The following HSD17B3 variants were observed in gnomAD, a reference collection of about 807,000 sequenced individuals.
HSD17B3 encodes the protein hydroxysteroid 17-beta dehydrogenase 3.
HSD17B3 carries 29 observed loss-of-function variants against 41.1 expected under a neutral mutation model. The observed-to-expected ratio is 0.71, with a 90% confidence interval of 0.53 to 0.96. The LOEUF is 0.96. HSD17B3 is among the 40% of genes least tolerant of loss of function. HSD17B3 has a pLI of 0.00. For missense variants in HSD17B3, 323 were observed against 374.6 expected, an observed-to-expected ratio of 0.86 and a Z score of 1.14; for synonymous variants, 126 against 145.6, an observed-to-expected ratio of 0.87 and a Z score of 0.97.
intron 2 of HSD17B3, among the ~76,000 whole-genome samples, chr9:96,283,521 C>T (rs1826788317): frequency 6.6e-6 from 1 of 152,146 alleles, no homozygotes; most frequent in Non-Finnish European, 1.5e-5. Context: ...ACAGGGAGCA[C>T]TGTCAAATAT....
At chr9:96,282,728 T>C (rs1826744795) in intron 2 of HSD17B3, among the ~76,000 whole-genome samples, 1 of 152,208 alleles carries the variant, frequency 6.6e-6, no homozygotes, top group South Asian at 2.1e-4. Flanking sequence ...TAATTAAGAC[T>C]ACTGAAGAAA....
chr9:96,260,389 G>T (rs962980789), intron 2 of HSD17B3, among the ~76,000 whole-genome samples: 2 of 152,144 alleles, frequency 1.3e-5, no homozygotes, highest in Non-Finnish European at 2.9e-5. Context: ...GAAAATTATG[G>T]CAGTGAAAGA....
chr9:96,268,091 A>C (rs1826107872), intron 2 of HSD17B3, among the ~76,000 whole-genome samples: 1 of 152,030 alleles, frequency 6.6e-6, no homozygotes, highest in Non-Finnish European at 1.5e-5. Context: ...CGCCCAGCTA[A>C]TTTTTGTATT....
At chr9:96,261,199 G>A (rs1038436685) in intron 2 of HSD17B3, among the ~76,000 whole-genome samples, 9 of 40,000 alleles carry the variant, frequency 2.2e-4, no homozygotes, top group Admixed American at 5.0e-4. Context: ...CTGCTTTGAC[G>A]ATGGAGCCTT....
At chr9:96,288,286 A>G (rs1048268354) in intron 2 of HSD17B3, among the ~76,000 whole-genome samples, 1 of 152,234 alleles carries the variant, frequency 6.6e-6, no homozygotes, top group Non-Finnish European at 1.5e-5. Flanking sequence ...TATATCTCAA[A>G]AAGCTGTTCA....
chr9:96,270,953 C>CG (rs34328277), intron 2 of HSD17B3, among the ~76,000 whole-genome samples: 20,136 of 123,470 alleles, frequency 0.16, 1,614 homozygotes, highest in Middle Eastern at 0.24. Context: ...CAAATCCTCT[C>CG]GGGGGGGGGG....
At chr9:96,251,207 T>C (rs1188924166) in intron 5 of HSD17B3, 1 of 596,048 alleles carries the variant, frequency 1.7e-6, no homozygotes, top group Non-Finnish European at 3.0e-6. Flanking sequence ...AGGAGGAAGA[T>C]GTCCATATCC....
intron 2 of HSD17B3, among the ~76,000 whole-genome samples, chr9:96,287,854 A>G (rs1826984898): frequency 6.8e-6 from 1 of 147,542 alleles, no homozygotes. Flanking sequence ...TCACAGCAGC[A>G]TTATTCATAA....
chr9:96,275,477 G>A (rs927081405), intron 2 of HSD17B3, among the ~76,000 whole-genome samples: 1 of 152,120 alleles, frequency 6.6e-6, no homozygotes, highest in Non-Finnish European at 1.5e-5. Context: ...CTACTTGGGA[G>A]GTTGAGATGG....
At chr9:96,266,096 G>A (rs1211857923) in intron 2 of HSD17B3, among the ~76,000 whole-genome samples, 3 of 152,230 alleles carry the variant, frequency 2.0e-5, no homozygotes, top group Non-Finnish European at 2.9e-5. Flanking sequence ...AGCATAATTA[G>A]AGATACAGGC....
At chr9:96,279,831 G>A (rs1030278757) in intron 2 of HSD17B3, among the ~76,000 whole-genome samples, 11 of 151,570 alleles carry the variant, frequency 7.3e-5, no homozygotes, top group Non-Finnish European at 1.3e-4. Context: ...GTGCAGTGGC[G>A]CGATCTCGGC....
At chr9:96,295,932 C>T (rs766370232) in intron 2 of HSD17B3, among the ~76,000 whole-genome samples, 51 of 152,096 alleles carry the variant, frequency 3.4e-4, no homozygotes, top group African/African-American at 1.0e-3. Context: ...GGGGCCTTCA[C>T]GATGAGATTA....
chr9:96,296,239 C>T (rs1827353799), intron 2 of HSD17B3, among the ~76,000 whole-genome samples: 1 of 145,858 alleles, frequency 6.9e-6, no homozygotes, highest in African/African-American at 2.6e-5. Flanking sequence ...GAGCAAGAAC[C>T]TGTCTCCAAA....
At chr9:96,245,562 T>G in intron 7 of HSD17B3, 136 bp from the exon 8 acceptor site, 2 of 710,046 alleles carry the variant, frequency 2.8e-6, no homozygotes, top group Non-Finnish European at 5.1e-6. Flanking sequence ...GGGGCTCTGC[T>G]TCTAGGAATG....
chr9:96,249,631 C>G, intron 6 of HSD17B3, 120 bp downstream of exon 6: 1 of 886,640 alleles, frequency 1.1e-6, no homozygotes. Context: ...GGCCTCTCAA[C>G]TAAGTGTGGT....
At chr9:96,253,652 C>T (rs935520035) in intron 3 of HSD17B3, among the ~76,000 whole-genome samples, 2 of 152,146 alleles carry the variant, frequency 1.3e-5, no homozygotes, top group East Asian at 1.9e-4. Flanking sequence ...GGGAGTTTTC[C>T]GTCAGATGTG....
In HSD17B3 at chr9:96,264,271, CA is replaced by C. The variant is rs1210868442; in HGVS notation, c.202-9329del. On this transcript the variant is annotated intron_variant, in intron 2 of 10. Transcript: ENST00000375263. ...AACATTTTCTAAAAATACCTACAAACAAAAAGATGCATATCAAACATATTAG... is the reference window on the plus strand; with the variant it reads ...AACATTTTCTAAAAATACCTACAAACAAAAGATGCATATCAAACATATTAG... 2.0e-5 allele frequency among the ~76,000 whole-genome samples: 3 copies of C among 147,646 alleles called. No individual in the cohort carries two copies. The East Asian group carries it at 6.0e-4, about 30-fold the overall frequency.
chr9:96,302,146 CTG>C lies in HSD17B3; in HGVS notation c.-44_-43del, dbSNP rs1227560301. 1.2e-6 allele frequency: 2 copies of C among 1,604,208 alleles called. No homozygotes were observed. The highest frequency in any genetic ancestry group is 2.7e-5 in the African/African-American group (2 of 74,522). The stretch of plus-strand genomic sequence containing the variant: ...CTGTTTCAGCCCTGGCCGTGGCTCT[CTG>C]TGTATGCCTCCTGGGACCACGCTGC... On this transcript the variant is annotated 5_prime_UTR_variant, in exon 1 of 11. Coordinates refer to ENST00000375263, the MANE Select transcript of HSD17B3 (RefSeq NM_000197.2).
At chr9:96,281,822 T>C (rs1826703164) in intron 2 of HSD17B3, among the ~76,000 whole-genome samples, 1 of 152,208 alleles carries the variant, frequency 6.6e-6, no homozygotes, top group Non-Finnish European at 1.5e-5. Flanking sequence ...GGTGGTTTTT[T>C]CTCTGGGCTC....
Sources: gnomAD v4.1 joint callset for allele counts (sites outside exome capture counted in the v4.1 genomes callset) on GRCh38, gnomAD v4.1.1 for gene constraint, MANE v1.5 for transcripts, NCBI Gene and HGNC (gene_info 2026-07-23, HGNC 2026-07-21) for gene names.